Variants in FHIT observed in about 807,000 individuals in gnomAD.
The protein encoded by FHIT is fragile histidine triad diadenosine triphosphatase.
In FHIT, 19 loss-of-function variants were observed where a neutral mutation model predicts 17.9. That is an observed-to-expected ratio of 1.06 (90% confidence interval 0.74 to 1.56). FHIT has a LOEUF of 1.56. Among genes scored for constraint, FHIT ranks in the 40% most tolerant of loss-of-function variants. The pLI, the probability that FHIT is intolerant of heterozygous loss-of-function variation, is 0.00. For missense variants in FHIT, 248 were observed against 189.2 expected, an observed-to-expected ratio of 1.31 and a Z score of -1.82; for synonymous variants, 81 against 69.7, an observed-to-expected ratio of 1.16 and a Z score of -0.81.
intron 2 of FHIT, among the ~76,000 whole-genome samples, chr3:61,085,294 C>A (rs140792670): frequency 6.9e-4 from 105 of 152,238 alleles, no homozygotes; most frequent in African/African-American, 2.4e-3. Flanking sequence ...TTCTCCATAT[C>A]TTCACCAGCA....
At chr3:60,179,682 T>C (rs1233998373) in intron 5 of FHIT, among the ~76,000 whole-genome samples, 2 of 150,290 alleles carry the variant, frequency 1.3e-5, no homozygotes, top group African/African-American at 2.5e-5. Context: ...AGGTTGTAAG[T>C]GTGTAAAAAA....
At chr3:60,105,386 A>T (rs747593428) in intron 5 of FHIT, among the ~76,000 whole-genome samples, 1 of 152,216 alleles carries the variant, frequency 6.6e-6, no homozygotes, top group Non-Finnish European at 1.5e-5. Context: ...TTTGTGCTCT[A>T]TGCCAACAAA....
chr3:59,853,485 C>T (rs1052896165), intron 8 of FHIT, among the ~76,000 whole-genome samples: 4 of 152,112 alleles, frequency 2.6e-5, no homozygotes, highest in African/African-American at 9.7e-5. Context: ...ATTATACCAA[C>T]ATGAAAACTA....
intron 5 of FHIT, among the ~76,000 whole-genome samples, chr3:60,492,473 T>C (rs933334541): frequency 1.3e-5 from 2 of 151,962 alleles, no homozygotes; most frequent in African/African-American, 4.8e-5. Flanking sequence ...AACTAGTAAA[T>C]GTGCAATAAT....
intron 8 of FHIT, among the ~76,000 whole-genome samples, chr3:59,858,321 G>T (rs1482675156): frequency 6.9e-6 from 1 of 144,106 alleles, no homozygotes; most frequent in Non-Finnish European, 1.5e-5. Flanking sequence ...CCACCTCCTG[G>T]GTTCCAGTGA....
chr3:60,546,887 C>T (rs1559529049), intron 4 of FHIT, among the ~76,000 whole-genome samples: 1 of 152,062 alleles, frequency 6.6e-6, no homozygotes, highest in African/African-American at 2.4e-5. Flanking sequence ...CTTTCCCTAC[C>T]CAAATCTAAG....
At chr3:60,002,740 T>A (rs1204494793) in intron 7 of FHIT, among the ~76,000 whole-genome samples, 9 of 152,188 alleles carry the variant, frequency 5.9e-5, no homozygotes, top group African/African-American at 2.2e-4. Flanking sequence ...CTGCTTTTTG[T>A]GTCTTGAGAC....
chr3:60,310,955 T>G (rs867522946), intron 5 of FHIT, among the ~76,000 whole-genome samples: 3 of 152,136 alleles, frequency 2.0e-5, no homozygotes, highest in African/African-American at 4.8e-5. Context: ...ATTTAGCGCA[T>G]ACTTCTTAAA....
intron 3 of FHIT, among the ~76,000 whole-genome samples, chr3:61,015,498 C>A (rs1458876318): frequency 6.6e-6 from 1 of 152,140 alleles, no homozygotes; most frequent in African/African-American, 2.4e-5. Context: ...AATTACATCT[C>A]AGGAACCAAG....
intron 5 of FHIT, among the ~76,000 whole-genome samples, chr3:60,122,414 G>A (rs1288621390): frequency 6.6e-6 from 1 of 152,050 alleles, no homozygotes; most frequent in Non-Finnish European, 1.5e-5. Context: ...AGAAAGACTG[G>A]GCAAGATTTG....
chr3:60,795,311 T>C (rs1700939519), intron 4 of FHIT, among the ~76,000 whole-genome samples: 1 of 152,236 alleles, frequency 6.6e-6, no homozygotes, highest in Non-Finnish European at 1.5e-5. Flanking sequence ...CCTGTGGCTT[T>C]TTAAGATCTT....
chr3:60,568,969 C>G (rs2107657638), intron 4 of FHIT, among the ~76,000 whole-genome samples: 1 of 129,950 alleles, frequency 7.7e-6, no homozygotes, highest in South Asian at 2.9e-4. Flanking sequence ...ATTCATTATG[C>G]TAGAGATTCT....
At chr3:60,188,871 A>G (rs1702277103) in intron 5 of FHIT, among the ~76,000 whole-genome samples, 1 of 149,896 alleles carries the variant, frequency 6.7e-6, no homozygotes, top group South Asian at 2.1e-4. Context: ...TCACAAAGCA[A>G]TTTTTTTTTT....
chr3:60,653,237 T>G (rs2107810623), intron 4 of FHIT, among the ~76,000 whole-genome samples: 1 of 152,244 alleles, frequency 6.6e-6, no homozygotes, highest in East Asian at 1.9e-4. Flanking sequence ...AAAATCTAGT[T>G]AATATCGTCA....
intron 3 of FHIT, among the ~76,000 whole-genome samples, chr3:60,917,166 A>T (rs781998639): frequency 1.3e-5 from 2 of 152,246 alleles, no homozygotes; most frequent in Non-Finnish European, 2.9e-5. Flanking sequence ...GTAAAATGAA[A>T]ATAAATGCCA....
intron 5 of FHIT, among the ~76,000 whole-genome samples, chr3:60,256,571 C>T (rs1706005898): frequency 6.6e-6 from 1 of 152,166 alleles, no homozygotes; most frequent in African/African-American, 2.4e-5. Flanking sequence ...GGTAACTTGC[C>T]TGAGGTTACA....
chr3:60,802,418 A>G (rs959106115), intron 4 of FHIT, among the ~76,000 whole-genome samples: 2 of 152,196 alleles, frequency 1.3e-5, no homozygotes, highest in Admixed American at 6.5e-5. Flanking sequence ...TAAAGGCTCC[A>G]TGGGCTCATT....
intron 5 of FHIT, among the ~76,000 whole-genome samples, chr3:60,111,807 T>C (rs1704683428): frequency 6.6e-6 from 1 of 152,188 alleles, no homozygotes; most frequent in Admixed American, 6.5e-5. Flanking sequence ...GAGCCTTCTG[T>C]TAAGGTTTAG....
chr3:60,453,835 T>A lies in FHIT; in HGVS notation c.103+83025A>T, dbSNP rs549318983. 2.5e-4 allele frequency among the ~76,000 whole-genome samples: 38 copies of A among 152,298 alleles called. 1 individual carries two copies. In the South Asian group the frequency reaches 7.5e-3, roughly 30 times the overall value. ...TATTATCATAAGTGTCACAATAAGC[T>A]ATATAAAGCATGCTAATAAGAACAC... On this transcript the variant is annotated intron_variant, in intron 5 of 9. Transcript: ENST00000492590.
Sources: gnomAD v4.1 joint callset for allele counts (sites outside exome capture counted in the v4.1 genomes callset) on GRCh38, gnomAD v4.1.1 for gene constraint, MANE v1.5 for transcripts, NCBI Gene and HGNC (gene_info 2026-07-23, HGNC 2026-07-21) for gene names.